Variants in ATG7 observed in about 807,000 individuals in gnomAD.
The protein encoded by ATG7 is ubiquitin-like modifier-activating enzyme ATG7.
In ATG7, 70 loss-of-function variants were observed where a neutral mutation model predicts 82.4. That is an observed-to-expected ratio of 0.85 (90% CI 0.70 to 1.04). ATG7 has a LOEUF of 1.04. ATG7 is among the 50% of genes least tolerant of loss of function. ATG7 has a pLI of 0.00. For missense variants in ATG7, 792 were observed against 864.3 expected (o/e 0.92, Z 1.05); for synonymous variants, 287 against 313.0 (o/e 0.92, Z 0.88).
chr3:11,391,849 A>C (rs73138952), intron 19 of ATG7, among the ~76,000 whole-genome samples: 6,256 of 151,528 alleles, frequency 0.041, 452 homozygotes, highest in African/African-American at 0.14. Context: ...CAGAGAAATT[A>C]CATGAAAGTC....
chr3:11,277,898 C>CA, intron 1 of ATG7, among the ~76,000 whole-genome samples: 1 of 132,264 alleles, frequency 7.6e-6, no homozygotes, highest in East Asian at 2.5e-4. Context: ...TAGACCCCCC[C>CA]CCCCCCACCA....
intron 19 of ATG7, among the ~76,000 whole-genome samples, chr3:11,407,975 A>C (rs568263324): frequency 1.3e-5 from 2 of 152,240 alleles, no homozygotes; most frequent in African/African-American, 2.4e-5. Flanking sequence ...TAGTTACTTA[A>C]GCAAACTTCT....
At chr3:11,455,351 C>G (rs948533258) in intron 20 of ATG7, among the ~76,000 whole-genome samples, 1 of 152,156 alleles carries the variant, frequency 6.6e-6, no homozygotes, top group Non-Finnish European at 1.5e-5. Flanking sequence ...GATGACAATT[C>G]TAGAATAATG....
intron 14 of ATG7, among the ~76,000 whole-genome samples, chr3:11,355,391 T>C (rs1279000174): frequency 2.0e-5 from 3 of 152,190 alleles, no homozygotes; most frequent in Non-Finnish European, 4.4e-5. Flanking sequence ...GTTGACTTTA[T>C]AAAAATTTAA....
intron 11 of ATG7, among the ~76,000 whole-genome samples, chr3:11,339,948 T>C (rs1011318831): frequency 1.3e-5 from 2 of 152,216 alleles, no homozygotes; most frequent in African/African-American, 4.8e-5. Flanking sequence ...AAAGTCTGTT[T>C]AGCTACAGGA....
the ATG7 span, among the ~76,000 whole-genome samples, chr3:11,566,122 C>T: frequency 5.9e-5 from 9 of 152,304 alleles, no homozygotes; most frequent in South Asian, 4.1e-4. Context: ...CCACAGCCCC[C>T]GTCCCGGACT....
intron 20 of ATG7, among the ~76,000 whole-genome samples, chr3:11,480,915 G>C (rs1487336342): frequency 1.3e-5 from 2 of 152,220 alleles, no homozygotes; most frequent in Non-Finnish European, 2.9e-5. Flanking sequence ...TACATCTGAG[G>C]AGAGCAAGAG....
intron 19 of ATG7, among the ~76,000 whole-genome samples, chr3:11,424,571 C>T (rs1216940088): frequency 2.0e-5 from 3 of 149,074 alleles, no homozygotes; most frequent in Non-Finnish European, 4.5e-5. Flanking sequence ...TATTTATTAT[C>T]GGTGGCAATT....
chr3:11,500,619 T>C (rs2091250992), intron 20 of ATG7, among the ~76,000 whole-genome samples: 1 of 152,128 alleles, frequency 6.6e-6, no homozygotes, highest in Admixed American at 6.6e-5. Flanking sequence ...GATAATACAG[T>C]GCTTAGGAAA....
intron 20 of ATG7, among the ~76,000 whole-genome samples, chr3:11,470,735 G>A (rs570817020): frequency 6.6e-6 from 1 of 152,326 alleles, no homozygotes; most frequent in South Asian, 2.1e-4. Context: ...CAGAGGACAT[G>A]GAGTAGAGGC....
chr3:11,277,903 C>A (rs1000033241), intron 1 of ATG7, among the ~76,000 whole-genome samples: 1 of 138,258 alleles, frequency 7.2e-6, no homozygotes, highest in Non-Finnish European at 1.6e-5. Context: ...CCCCCCCCCC[C>A]CACCAGGAAT....
intron 20 of ATG7, chr3:11,477,229 T>C: frequency 7.8e-7 from 1 of 1,284,532 alleles, no homozygotes. Flanking sequence ...GAATCTTTTA[T>C]TCCTCGCCCA....
chr3:11,397,578 C>T (rs890457450), intron 19 of ATG7, among the ~76,000 whole-genome samples: 3 of 151,860 alleles, frequency 2.0e-5, no homozygotes, highest in African/African-American at 7.2e-5. Flanking sequence ...CTGCCTCAGC[C>T]TCCGAGTAAC....
Position 11,330,185 on chromosome 3 carries a change from C to T in ATG7, c.679-1155C>T, listed in dbSNP as rs531429475. Among the ~76,000 whole-genome samples the T allele has an allele frequency of 3.9e-5, 6 of 152,288 alleles. No individual in the cohort carries two copies. In the East Asian group the frequency reaches 1.2e-3, roughly 29 times the overall value. On this transcript the variant is annotated intron_variant, in intron 9 of 20. Transcript: ENST00000693202. The stretch of plus-strand genomic sequence containing the variant: ...GCTTAAGGTAATATTTGCCAGGTTT[C>T]TCCACTGTAAAAATACTATTTTTTC...
chr3:11,286,583 C>CTTTT (rs5846700), intron 3 of ATG7, among the ~76,000 whole-genome samples: 321 of 66,986 alleles, frequency 4.8e-3, no homozygotes, highest in Non-Finnish European at 5.6e-3. Flanking sequence ...TTCTTTCTTT[C>CTTTT]TTTTTTTTTT....
Position 11,519,813 on chromosome 3 carries a change from G to A in ATG7, c.2080-34998G>A, listed in dbSNP as rs141375959. 7.1e-4 allele frequency among the ~76,000 whole-genome samples: 108 copies of A among 151,954 alleles called. 1 individual carries two copies. The highest frequency in any genetic ancestry group is 2.5e-3 in the African/African-American group (104 of 41,462). Reference sequence around the variant, plus strand: ...CCTGACCTTGTGATCCGCCCACCTCGGCCTCCCAAAGTGCTGGGATTACAG... The same window carrying A: ...CCTGACCTTGTGATCCGCCCACCTCAGCCTCCCAAAGTGCTGGGATTACAG... On this transcript the variant is annotated intron_variant, in intron 20 of 20. Transcript: ENST00000693202.
intron 9 of ATG7, among the ~76,000 whole-genome samples, chr3:11,317,453 T>C (rs1160406198): frequency 6.6e-6 from 1 of 152,226 alleles, no homozygotes; most frequent in Non-Finnish European, 1.5e-5. Flanking sequence ...TTGATCTTTT[T>C]ATGATAAGTC....
chr3:11,359,697 A>G (rs968956056), intron 15 of ATG7, among the ~76,000 whole-genome samples: 13 of 152,156 alleles, frequency 8.5e-5, no homozygotes, highest in African/African-American at 3.1e-4. Context: ...TCCTGTCTCA[A>G]AAAAACCCCA....
intron 18 of ATG7, among the ~76,000 whole-genome samples, chr3:11,368,266 A>G (rs1358973135): frequency 1.3e-5 from 2 of 150,766 alleles, no homozygotes; most frequent in African/African-American, 4.9e-5. Context: ...GAAGAAGAAG[A>G]AGGAAAGAAA....
Sources: gnomAD v4.1 joint callset for allele counts (sites outside exome capture counted in the v4.1 genomes callset) on GRCh38, gnomAD v4.1.1 for gene constraint, MANE v1.5 for transcripts, NCBI Gene and HGNC (gene_info 2026-07-23, HGNC 2026-07-21) for gene names.